Variants in RAPGEF4 observed in about 807,000 individuals in gnomAD.
RAPGEF4 encodes the protein Rap guanine nucleotide exchange factor 4.
In RAPGEF4, 66 loss-of-function variants were observed where a neutral mutation model predicts 147.9. That is an observed-to-expected ratio of 0.45 (90% CI 0.37 to 0.55). The LOEUF (loss-of-function observed/expected upper bound fraction) is 0.55, where lower values mean the gene tolerates loss of function less well. Ranked by LOEUF, RAPGEF4 falls within the 20% of genes least tolerant of loss-of-function variation. The pLI is 0.00. For synonymous variants in RAPGEF4, 419 were observed against 442.7 expected (o/e 0.95, Z 0.67); for missense variants, 1,071 against 1,257.3 (o/e 0.85, Z 2.24).
chr2:172,975,785 T>C (rs1383974052), intron 10 of RAPGEF4, among the ~76,000 whole-genome samples: 1 of 152,250 alleles, frequency 6.6e-6, no homozygotes, highest in Non-Finnish European at 1.5e-5. Context: ...CAAGCAGTTA[T>C]ACTATCTGAC....
At chr2:172,793,427 CCTCAGAATAAATATATGCTAGTTTTGTT>C (rs1686025986) in intron 1 of RAPGEF4, among the ~76,000 whole-genome samples, 1 of 152,172 alleles carries the variant, frequency 6.6e-6, no homozygotes, top group African/African-American at 2.4e-5. Flanking sequence ...ATCAGTCTCA[CCTCAGAATAAATATATGCTAGTTTTGTT>C]CTCAGTCCAG....
chr2:172,972,994 AAATATCCTTT>A (rs569191288), intron 10 of RAPGEF4, among the ~76,000 whole-genome samples: 118 of 152,334 alleles, frequency 7.7e-4, no homozygotes, highest in African/African-American at 2.7e-3. Flanking sequence ...TCTTAAAGTT[AAATATCCTTT>A]AAGGATGGAG....
chr2:172,980,836 A>G (rs1691601632), intron 10 of RAPGEF4, among the ~76,000 whole-genome samples: 1 of 152,146 alleles, frequency 6.6e-6, no homozygotes, highest in South Asian at 2.1e-4. Flanking sequence ...GTGTGTGCAG[A>G]AGCGGGGTCT....
At chr2:172,968,185 AGCGGTGACTTGGCCCTT>A (rs1330009335) in intron 10 of RAPGEF4, among the ~76,000 whole-genome samples, 2 of 152,238 alleles carry the variant, frequency 1.3e-5, no homozygotes, top group Non-Finnish European at 2.9e-5. Context: ...CTTTTCAGTT[AGCGGTGACTTGGCCCTT>A]GCATCCGAAA....
chr2:173,051,431 G>A (rs545379953), intron 30 of RAPGEF4, among the ~76,000 whole-genome samples: 2 of 152,130 alleles, frequency 1.3e-5, no homozygotes, highest in East Asian at 1.9e-4. Flanking sequence ...GATCAAAAGA[G>A]GTGATTCCAG....
intron 30 of RAPGEF4, among the ~76,000 whole-genome samples, chr2:173,049,687 C>T (rs1685958400): frequency 6.6e-6 from 1 of 152,098 alleles, no homozygotes. Context: ...AGAAAAATGA[C>T]ATTGATTTGG....
intron 4 of RAPGEF4, among the ~76,000 whole-genome samples, chr2:172,864,194 G>A (rs1365270222): frequency 6.6e-6 from 1 of 152,172 alleles, no homozygotes; most frequent in Non-Finnish European, 1.5e-5. Flanking sequence ...CACAAACGAG[G>A]ATGAGAGAAA....
chr2:172,794,831 G>A (rs575196505), intron 1 of RAPGEF4, among the ~76,000 whole-genome samples, 194 bp from the exon 2 acceptor site: 18 of 152,304 alleles, frequency 1.2e-4, no homozygotes, highest in South Asian at 4.1e-4. Context: ...GATTTAAGGC[G>A]AATAGTTGGT....
chr2:172,757,712 A>G (rs1205449421), intron 1 of RAPGEF4, among the ~76,000 whole-genome samples: 3 of 152,214 alleles, frequency 2.0e-5, no homozygotes, highest in African/African-American at 7.2e-5. Context: ...TTTTGGTTTC[A>G]CAAATCCTTT....
Position 173,051,899 on chromosome 2 carries a change from C to A in RAPGEF4, c.*132C>A. The A allele has an allele frequency of 9.5e-7, 1 of 1,051,980 alleles. No individual in the cohort carries two copies. Among genetic ancestry groups the A allele is most frequent in the Non-Finnish European group, 1.4e-6 (1 of 726,336 alleles). 65.2% of individuals were successfully genotyped at this position (1,051,980 alleles called of 1,614,324 possible). On this transcript the variant is annotated 3_prime_UTR_variant, in exon 31 of 31. Transcript: ENST00000397081. ...AGCAAAAACACATCCTGAGACACCT[C>A]AGGGCTGCATTCAGCTTACCAGCTA... is the stretch of plus-strand genomic sequence containing the variant.
intron 6 of RAPGEF4, among the ~76,000 whole-genome samples, chr2:172,951,836 C>G (rs1013120634): frequency 6.6e-6 from 1 of 151,924 alleles, no homozygotes; most frequent in Non-Finnish European, 1.5e-5. Context: ...ATGATCTGAT[C>G]TATGTTTTTA....
intron 1 of RAPGEF4, among the ~76,000 whole-genome samples, chr2:172,741,963 G>A (rs1694339407): frequency 6.6e-6 from 1 of 152,152 alleles, no homozygotes; most frequent in South Asian, 2.1e-4. Context: ...TTAAGCCACT[G>A]TGCCCAGCCA....
At chr2:172,971,206 G>T (rs1055606764) in intron 10 of RAPGEF4, among the ~76,000 whole-genome samples, 2 of 152,140 alleles carry the variant, frequency 1.3e-5, no homozygotes, top group African/African-American at 2.4e-5. Flanking sequence ...GCCAACTGTG[G>T]ATAAAAAAGA....
chr2:172,943,352 C>CT (rs1172971387), intron 6 of RAPGEF4, among the ~76,000 whole-genome samples: 1 of 152,094 alleles, frequency 6.6e-6, no homozygotes, highest in Non-Finnish European at 1.5e-5. Context: ...AGCAAGGACT[C>CT]TTTCCTCAGA....
chr2:172,802,272 C>G (rs565483637), intron 3 of RAPGEF4, among the ~76,000 whole-genome samples: 1 of 152,140 alleles, frequency 6.6e-6, no homozygotes, highest in Non-Finnish European at 1.5e-5. Context: ...AAAGACATAC[C>G]TGAGACTGGG....
At chr2:172,772,948 T>C (rs972033787) in intron 1 of RAPGEF4, among the ~76,000 whole-genome samples, 1 of 152,212 alleles carries the variant, frequency 6.6e-6, no homozygotes, top group Non-Finnish European at 1.5e-5. Flanking sequence ...TTCCAGGAGA[T>C]GTCAGTAATC....
At chr2:173,005,448 C>T (rs1694333102) in intron 17 of RAPGEF4, among the ~76,000 whole-genome samples, 2 of 151,688 alleles carry the variant, frequency 1.3e-5, no homozygotes, top group South Asian at 4.1e-4. Context: ...TTTATCTTTC[C>T]AACACCAGTT....
At chr2:172,924,325 T>C (rs1685058399) in intron 6 of RAPGEF4, among the ~76,000 whole-genome samples, 1 of 152,202 alleles carries the variant, frequency 6.6e-6, no homozygotes. Flanking sequence ...CTAACAGCTG[T>C]CATCATGTAG....
At chr2:172,967,240 G>T (rs766804510) in intron 9 of RAPGEF4, 21 bp from the exon 10 acceptor site, 1 of 1,604,514 alleles carries the variant, frequency 6.2e-7, no homozygotes, top group Non-Finnish European at 8.5e-7. Context: ...CAGCTGACAC[G>T]TGCTTCCATG....
Sources: gnomAD v4.1 joint callset for allele counts (sites outside exome capture counted in the v4.1 genomes callset) on GRCh38, gnomAD v4.1.1 for gene constraint, MANE v1.5 for transcripts, NCBI Gene and HGNC (gene_info 2026-07-23, HGNC 2026-07-21) for gene names.